TWSG1: variants seen among roughly 807,000 people sequenced by gnomAD.
TWSG1 encodes the protein twisted gastrulation protein homolog 1.
TWSG1 carries 15 observed loss-of-function variants against 23.0 expected under a neutral mutation model. The ratio of observed to expected loss-of-function variants is 0.65; its 90% confidence interval spans 0.44 to 1.00. TWSG1 has a LOEUF of 1.00. Among genes scored for constraint, TWSG1 ranks in the 50% least tolerant of loss-of-function variants. The pLI is 0.00. For synonymous variants in TWSG1, 86 were observed against 92.8 expected (o/e 0.93, Z 0.42); for missense variants, 242 against 278.7 (o/e 0.87, Z 0.94).
intron 1 of TWSG1, among the ~76,000 whole-genome samples, chr18:9,336,206 A>G (rs2145587291): frequency 1.3e-5 from 2 of 152,228 alleles, no homozygotes; most frequent in African/African-American, 4.8e-5. Context: ...AGCCTGGCCA[A>G]TATGGTGAAA....
Position 9,334,937 on chromosome 18 carries a change from G to A in TWSG1, c.-38+17G>A, listed in dbSNP as rs1226202452. On this transcript the variant is annotated intron_variant, in intron 1 of 4. Coordinates refer to ENST00000262120, the MANE Select transcript of TWSG1 (RefSeq NM_020648.6). The surrounding 1 kb of genome is among the most constrained non-coding windows in gnomAD (Gnocchi z 4.7). ...TGGCGCATGGTGAGTGGGAGCGGCT[G>A]GGGGGTTGTGCAGCCTCTTGGCCTC... 6.6e-6 allele frequency: 1 copy of A among 152,376 alleles called. No individual in the cohort carries two copies. The highest frequency in any genetic ancestry group is 1.5e-5 in the Non-Finnish European group (1 of 68,228). The allele number at this position is 152,376 out of a possible 1,614,324, so 9.4% of individuals were successfully genotyped here.
At chr18:9,396,778 C>T (rs1225747556) in intron 4 of TWSG1, 2 of 594,540 alleles carry the variant, frequency 3.4e-6, no homozygotes, top group Non-Finnish European at 5.7e-6. Context: ...AAAGGCATGT[C>T]GGCTGGGCGT....
chr18:9,348,644 G>A (rs2040488099), intron 2 of TWSG1, among the ~76,000 whole-genome samples: 1 of 152,190 alleles, frequency 6.6e-6, no homozygotes, highest in Non-Finnish European at 1.5e-5. Flanking sequence ...TGACATTTTA[G>A]ATAACGAGAG....
chr18:9,380,488 A>G (rs1034438938), intron 3 of TWSG1, among the ~76,000 whole-genome samples: 1 of 152,228 alleles, frequency 6.6e-6, no homozygotes, highest in Non-Finnish European at 1.5e-5. Context: ...CACATCATAT[A>G]CACAGTAGCT....
chr18:9,387,536 G>A (rs1005039317), intron 3 of TWSG1, among the ~76,000 whole-genome samples: 2 of 151,942 alleles, frequency 1.3e-5, no homozygotes, highest in Admixed American at 6.6e-5. Context: ...AGTCCGAGGT[G>A]GGCAGATCAC....
At chr18:9,344,452 T>C (rs1300311698) in intron 2 of TWSG1, among the ~76,000 whole-genome samples, 1 of 151,220 alleles carries the variant, frequency 6.6e-6, no homozygotes, top group Non-Finnish European at 1.5e-5. Flanking sequence ...CCCTAATAGC[T>C]AATGATGTTG....
chr18:9,394,046 A>G lies in TWSG1; in HGVS notation c.224-2234A>G, dbSNP rs376639511. 2.0e-5 allele frequency among the ~76,000 whole-genome samples: 3 copies of G among 152,360 alleles called. No homozygotes were observed. In the East Asian group the frequency reaches 5.8e-4, roughly 29 times the overall value. ...AACTACCATATCCAGCAATCCCATT[A>G]CTATACATTTATGCTAAGGAAAGGA... On this transcript the variant is annotated intron_variant, in intron 3 of 4. Coordinates refer to ENST00000262120, the MANE Select transcript of TWSG1 (RefSeq NM_020648.6).
chr18:9,402,239 A>G lies in TWSG1; in HGVS notation c.*2712A>G, dbSNP rs1404739599. 3 of 152,218 alleles carry G rather than the reference A, an allele frequency of 2.0e-5. No individual in the cohort carries two copies. The highest frequency in any genetic ancestry group is 4.4e-5 in the Non-Finnish European group (3 of 68,038). The allele number at this position is 152,218 out of a possible 1,614,324, so 9.4% of individuals were successfully genotyped here. A position where few individuals can be genotyped will look rare whatever the true frequency, so the allele number is the denominator to read the frequency against. ...AAAGTTTTCTGAAAAAATGCAGTAAATATAAGCCACATTTCTAAAGTTTAT... is the reference window on the plus strand; with the variant it reads ...AAAGTTTTCTGAAAAAATGCAGTAAGTATAAGCCACATTTCTAAAGTTTAT... On this transcript the variant is annotated 3_prime_UTR_variant, in exon 5 of 5. Transcript: ENST00000262120.
At chr18:9,381,342 T>C (rs1421053027) in intron 3 of TWSG1, among the ~76,000 whole-genome samples, 4 of 152,174 alleles carry the variant, frequency 2.6e-5, no homozygotes, top group African/African-American at 7.2e-5. Context: ...AAAAATTCAG[T>C]CTTTTGTGCT....
At chr18:9,348,897 A>G (rs1001430908) in intron 2 of TWSG1, among the ~76,000 whole-genome samples, 3 of 152,206 alleles carry the variant, frequency 2.0e-5, no homozygotes, top group Non-Finnish European at 4.4e-5. Context: ...CTCTACACTT[A>G]TAACTAAGTA....
intron 3 of TWSG1, among the ~76,000 whole-genome samples, chr18:9,375,086 G>A (rs2040623315): frequency 6.7e-6 from 1 of 148,236 alleles, no homozygotes; most frequent in Non-Finnish European, 1.5e-5. Context: ...AGAATGGTGT[G>A]AACCCGGGAG....
chr18:9,355,419 T>TTA lies in TWSG1; in HGVS notation c.124-4549_124-4548dup, dbSNP rs563262192. Among the ~76,000 whole-genome samples the TTA allele has an allele frequency of 2.3e-3, 346 of 152,332 alleles. 2 individuals are homozygous for TTA. Among genetic ancestry groups the TTA allele is most frequent in the African/African-American group, 8.0e-3 (332 of 41,564 alleles). On this transcript the variant is annotated intron_variant, in intron 2 of 4. Coordinates refer to ENST00000262120, the MANE Select transcript of TWSG1 (RefSeq NM_020648.6). ...AGTTCAAAGCACTTTACAAATGTTA[T>TTA]TATATTTAGAAACATTCATCCTAAC...
chr18:9,367,027 A>T (rs184114984), intron 3 of TWSG1, among the ~76,000 whole-genome samples: 19 of 152,140 alleles, frequency 1.2e-4, no homozygotes, highest in African/African-American at 4.3e-4. Context: ...ACCTCACTGC[A>T]GCCGCAACCT....
intron 3 of TWSG1, among the ~76,000 whole-genome samples, chr18:9,371,152 C>A: frequency 6.6e-6 from 1 of 151,918 alleles, no homozygotes; most frequent in East Asian, 1.9e-4. Flanking sequence ...TATAAAAGTC[C>A]CTTAAGTTGC....
intron 3 of TWSG1, among the ~76,000 whole-genome samples, chr18:9,391,350 G>A (rs528571341): frequency 1.2e-4 from 19 of 152,272 alleles, no homozygotes; most frequent in African/African-American, 4.3e-4. Context: ...TGTACTCAAC[G>A]TCTCTTCTAA....
At position 9,399,700 on chromosome 18, in the gene TWSG1, C is replaced by T. The variant is rs1220578011; in HGVS notation, c.*173C>T. On this transcript the variant is annotated 3_prime_UTR_variant, in exon 5 of 5. Coordinates refer to ENST00000262120, the MANE Select transcript of TWSG1 (RefSeq NM_020648.6). ...GCCAGTGATGTGTTTAATTATATAA[C>T]TGTTCTTACTGATTTTATTGCCCCC... 2 of 546,876 alleles carry T rather than the reference C, an allele frequency of 3.7e-6. No individual in the cohort carries two copies. The highest frequency in any genetic ancestry group is 3.8e-5 in the Admixed American group (1 of 26,118). The allele number at this position is 546,876 out of a possible 1,614,324, so 33.9% of individuals were successfully genotyped here.
At chr18:9,344,852 A>T (rs1428368531) in intron 2 of TWSG1, among the ~76,000 whole-genome samples, 2 of 152,022 alleles carry the variant, frequency 1.3e-5, no homozygotes, top group African/African-American at 2.4e-5. Flanking sequence ...GGCCAACACG[A>T]TCCTCCTGCC....
At chr18:9,355,329 G>A (rs1031704151) in intron 2 of TWSG1, among the ~76,000 whole-genome samples, 4 of 152,084 alleles carry the variant, frequency 2.6e-5, no homozygotes, top group African/African-American at 9.7e-5. Context: ...ATGTTTTTCT[G>A]TAATCCTTGT....
Position 9,400,926 on chromosome 18 carries a change from C to G in TWSG1, c.*1399C>G, listed in dbSNP as rs781388923. The G allele has an allele frequency of 4.6e-5, 7 of 152,070 alleles. No homozygotes were observed. The highest frequency in any genetic ancestry group is 8.8e-5 in the Non-Finnish European group (6 of 68,012). 9.4% of individuals were successfully genotyped at this position (152,070 alleles called of 1,614,324 possible). A position where few individuals can be genotyped will look rare whatever the true frequency, so the allele number is the denominator to read the frequency against. On this transcript the variant is annotated 3_prime_UTR_variant, in exon 5 of 5. Coordinates refer to ENST00000262120, the MANE Select transcript of TWSG1 (RefSeq NM_020648.6). ...TAGTGCATATTTGAACTACAAGCAA[C>G]TTTTTAGGAATACCTCTTTATACGT... is the stretch of plus-strand genomic sequence containing the variant.
Sources: gnomAD v4.1 joint callset for allele counts (sites outside exome capture counted in the v4.1 genomes callset) on GRCh38, gnomAD v4.1.1 for gene constraint, Gnocchi (gnomAD v3.1) non-coding constraint, MANE v1.5 for transcripts, NCBI Gene and HGNC (gene_info 2026-07-23, HGNC 2026-07-21) for gene names.